Variants in SLC24A4 observed in about 807,000 individuals in gnomAD.
SLC24A4 encodes the protein sodium/potassium/calcium exchanger 4.
In SLC24A4, 53 loss-of-function variants were observed where a neutral mutation model predicts 79.0. The ratio of observed to expected loss-of-function variants is 0.67; its 90% CI spans 0.54 to 0.84. SLC24A4 has a LOEUF of 0.84. SLC24A4 is among the 40% of genes least tolerant of loss of function. SLC24A4 has a pLI of 0.00. For synonymous variants in SLC24A4, 323 were observed against 323.8 expected (o/e 1.00, Z 0.03); for missense variants, 731 against 822.0 (o/e 0.89, Z 1.35).
intron 2 of SLC24A4, among the ~76,000 whole-genome samples, chr14:92,394,535 C>T (rs1454475375): frequency 6.6e-6 from 1 of 152,166 alleles, no homozygotes; most frequent in Non-Finnish European, 1.5e-5. Flanking sequence ...TGGTTATAGC[C>T]TGGACAACAG....
chr14:92,413,888 G>T (rs541163884), intron 2 of SLC24A4, among the ~76,000 whole-genome samples: 3 of 152,304 alleles, frequency 2.0e-5, no homozygotes, highest in South Asian at 2.1e-4. Context: ...TATTTGAATC[G>T]ACTGAATGAG....
chr14:92,459,748 G>C (rs1440847526), intron 12 of SLC24A4, among the ~76,000 whole-genome samples: 1 of 152,118 alleles, frequency 6.6e-6, no homozygotes, highest in Non-Finnish European at 1.5e-5. Context: ...GCTGCTTCTC[G>C]TTTAGGTGTG....
chr14:92,461,088 C>T lies in SLC24A4; in HGVS notation c.1255+4480C>T, dbSNP rs531687435. ...GAAACGGTCGGCAATGACCCTGAGC[C>T]GCAGCCCAGCTGGGAAAGTCTCCTG... On this transcript the variant is annotated intron_variant, in intron 12 of 16. Transcript: ENST00000532405. 3.3e-5 allele frequency among the ~76,000 whole-genome samples: 5 copies of T among 152,284 alleles called. No homozygotes were observed. In the South Asian group the frequency reaches 6.2e-4, roughly 19 times the overall value.
At chr14:92,324,156 C>G (rs531849484) in intron 1 of SLC24A4, among the ~76,000 whole-genome samples, 196 bp downstream of exon 1, 12 of 152,314 alleles carry the variant, frequency 7.9e-5, no homozygotes, top group Non-Finnish European at 1.5e-4. Flanking sequence ...GCCGGTTCCC[C>G]TGAGCTACGA....
chr14:92,474,841 G>GTGTGTGTGTA (rs1894658762), intron 12 of SLC24A4, among the ~76,000 whole-genome samples: 1 of 33,788 alleles, frequency 3.0e-5, no homozygotes, highest in Non-Finnish European at 7.2e-5. Flanking sequence ...GTGTGTGTGT[G>GTGTGTGTGTA]TGTATATATA....
At chr14:92,447,968 T>C (rs760656369) in intron 9 of SLC24A4, among the ~76,000 whole-genome samples, 5 of 152,014 alleles carry the variant, frequency 3.3e-5, no homozygotes, top group Non-Finnish European at 7.4e-5. Flanking sequence ...AAACTACCCA[T>C]GAGGAATACT....
chr14:92,453,715 C>T, intron 10 of SLC24A4, 185 bp from the exon 11 acceptor site: 1 of 556,730 alleles, frequency 1.8e-6, no homozygotes, highest in South Asian at 2.7e-5. Flanking sequence ...GCAGGTGTTT[C>T]AAAGCTAGTG....
In SLC24A4 at chr14:92,353,913, G is replaced by A. The variant is rs1395697226; in HGVS notation, c.241+27935G>A. Reference sequence around the variant, plus strand: ...GCCATCCCAAGTGAGCTTCCCACACGGCCGGCCCAGAGAGCAGGAGAGTTG... The same window carrying A: ...GCCATCCCAAGTGAGCTTCCCACACAGCCGGCCCAGAGAGCAGGAGAGTTG... On this transcript the variant is annotated intron_variant, in intron 2 of 16. Coordinates refer to ENST00000532405, the MANE Select transcript of SLC24A4 (RefSeq NM_153646.4). The surrounding 1 kb of genome is among the most constrained non-coding windows in gnomAD (Gnocchi z 4.1). Among the ~76,000 whole-genome samples the A allele has an allele frequency of 1.3e-5, 2 of 152,198 alleles. No individual in the cohort carries two copies. Among genetic ancestry groups the A allele is most frequent in the African/African-American group, 2.4e-5 (1 of 41,448 alleles).
chr14:92,486,449 C>T (rs1895361651), intron 13 of SLC24A4, among the ~76,000 whole-genome samples: 1 of 152,228 alleles, frequency 6.6e-6, no homozygotes, highest in Non-Finnish European at 1.5e-5. Flanking sequence ...TATGTGCACA[C>T]TCAAGACCTT....
At chr14:92,352,350 G>A (rs1443012111) in intron 2 of SLC24A4, among the ~76,000 whole-genome samples, 2 of 152,210 alleles carry the variant, frequency 1.3e-5, no homozygotes, top group Admixed American at 6.5e-5. Flanking sequence ...AGGTGCAAAG[G>A]CCCTGAGGCA....
intron 9 of SLC24A4, 62 bp from the exon 10 acceptor site, chr14:92,449,012 C>T (rs1185995087): frequency 9.4e-6 from 15 of 1,591,454 alleles, no homozygotes; most frequent in South Asian, 5.7e-5. Flanking sequence ...GTGATCCACC[C>T]GCTGCCCAGT....
chr14:92,326,084 G>T, intron 2 of SLC24A4, 106 bp downstream of exon 2: 1 of 736,704 alleles, frequency 1.4e-6, no homozygotes. Flanking sequence ...GGTGGTTTAT[G>T]GACTTGAGTG....
chr14:92,416,243 C>A (rs187190381), intron 2 of SLC24A4, among the ~76,000 whole-genome samples: 1 of 151,952 alleles, frequency 6.6e-6, no homozygotes, highest in Non-Finnish European at 1.5e-5. Flanking sequence ...TATAGGTAAG[C>A]AGAGTGAGGG....
At chr14:92,430,083 A>G (rs1469302478) in intron 2 of SLC24A4, among the ~76,000 whole-genome samples, 1 of 152,232 alleles carries the variant, frequency 6.6e-6, no homozygotes, top group Non-Finnish European at 1.5e-5. Flanking sequence ...TGCTCAAGAA[A>G]CATGCATCGA....
At chr14:92,369,261 G>A (rs945178294) in intron 2 of SLC24A4, among the ~76,000 whole-genome samples, 1 of 152,238 alleles carries the variant, frequency 6.6e-6, no homozygotes, top group Non-Finnish European at 1.5e-5. Context: ...GCAACTGACT[G>A]TACAGGGAGG....
rs773119693 is a variant in SLC24A4 at position 92,398,031 on chromosome 14, G to A, written c.242-35881G>A. Among the ~76,000 whole-genome samples the A allele has an allele frequency of 1.3e-5, 2 of 152,186 alleles. No individual in the cohort carries two copies. Among genetic ancestry groups the A allele is most frequent in the African/African-American group, 2.4e-5 (1 of 41,450 alleles). ...GACTCTCCCCTATGCCAGGCCCTGC[G>A]CACATGTGACCTTCTCTGTCATAGC... On this transcript the variant is annotated intron_variant, in intron 2 of 16. Coordinates refer to ENST00000532405, the MANE Select transcript of SLC24A4 (RefSeq NM_153646.4). This position sits in a 1 kb window ranked among gnomAD's most constrained non-coding sequence, Gnocchi z 4.1.
At chr14:92,465,862 G>A (rs899784127) in intron 12 of SLC24A4, among the ~76,000 whole-genome samples, 1 of 152,106 alleles carries the variant, frequency 6.6e-6, no homozygotes, top group Non-Finnish European at 1.5e-5. Context: ...ACCTGTGTGT[G>A]GCACTCAGCT....
chr14:92,439,264 G>A (rs1892356953), intron 3 of SLC24A4, 71 bp from the exon 4 acceptor site: 2 of 1,326,568 alleles, frequency 1.5e-6, no homozygotes, highest in Admixed American at 3.4e-5. Context: ...CCTGGTTTGG[G>A]GTGTGGTGGG....
intron 12 of SLC24A4, among the ~76,000 whole-genome samples, chr14:92,477,088 ACT>A (rs1340034692): frequency 1.3e-5 from 2 of 152,096 alleles, no homozygotes; most frequent in East Asian, 3.9e-4. Flanking sequence ...TCTGGGTCAA[ACT>A]CTTTGAGAAA....
Sources: gnomAD v4.1 joint callset for allele counts (sites outside exome capture counted in the v4.1 genomes callset) on GRCh38, gnomAD v4.1.1 for gene constraint, Gnocchi (gnomAD v3.1) non-coding constraint, MANE v1.5 for transcripts, NCBI Gene and HGNC (gene_info 2026-07-23, HGNC 2026-07-21) for gene names.